Variants in C6orf89 observed in about 807,000 individuals in gnomAD.
C6orf89 encodes chromosome 6 open reading frame 89.
In C6orf89, 29 loss-of-function variants were observed where a neutral mutation model predicts 40.7. That is an observed-to-expected ratio of 0.71 (90% CI 0.53 to 0.97). The LOEUF (loss-of-function observed/expected upper bound fraction) is 0.97, where lower values mean the gene tolerates loss of function less well. C6orf89 is among the 50% of genes least tolerant of loss of function. The pLI is 0.00. For missense variants in C6orf89, 392 were observed against 429.1 expected (o/e 0.91, Z 0.76); for synonymous variants, 165 against 152.2 (o/e 1.08, Z -0.62).
rs148646054 is a variant in C6orf89 at position 36,914,495 on chromosome 6, C to T, written c.556-59C>T. The T allele has an allele frequency of 4.1e-4, 658 of 1,612,018 alleles. 4 individuals are homozygous for T. The African/African-American group carries it at 6.7e-3, about 16-fold the overall frequency. On this transcript the variant is annotated intron_variant, in intron 5 of 8. Transcript: ENST00000480824. ...GCTTGCTTAAAGGCTAGGTCAAGCT[C>T]TAGGAAATTTCTGACAAGTAACTCT...
At chr6:36,874,655 C>T in intron 1 of C6orf89, 1 of 1,589,838 alleles carries the variant, frequency 6.3e-7, no homozygotes. Context: ...GGAACGCAGA[C>T]CCGTGGTGAG....
At chr6:36,878,840 T>G (rs1163939811) in intron 1 of C6orf89, among the ~76,000 whole-genome samples, 2 of 152,230 alleles carry the variant, frequency 1.3e-5, no homozygotes, top group Non-Finnish European at 2.9e-5. Context: ...CACTTCCTAT[T>G]GCTGTACGTT....
At chr6:36,885,871 T>C, upstream of C6orf89, 1 of 570,250 alleles carries the variant, frequency 1.8e-6, no homozygotes, top group Non-Finnish European at 2.6e-6. Context: ...GCGGAAGCGC[T>C]GGACGAGAGG....
In C6orf89 at chr6:36,927,899, C is replaced by T. The variant is rs1320133392; in HGVS notation, c.*4458C>T. 1 of 152,298 alleles carries T rather than the reference C, an allele frequency of 6.6e-6. No individual in the cohort carries two copies. Among genetic ancestry groups the T allele is most frequent in the East Asian group, 1.9e-4 (1 of 5,198 alleles). 9.4% of individuals were successfully genotyped at this position (152,298 alleles called of 1,614,324 possible). A position where few individuals can be genotyped will look rare whatever the true frequency, so the allele number is the denominator to read the frequency against. Reference sequence around the variant, plus strand: ...TCCAGAAGCATGTCAGGGAGACGGACAGGTGCTCTCCTTCTCGTGCACCAC... The same window carrying T: ...TCCAGAAGCATGTCAGGGAGACGGATAGGTGCTCTCCTTCTCGTGCACCAC... On this transcript the variant is annotated 3_prime_UTR_variant, in exon 9 of 9. Transcript: ENST00000480824.
At position 36,919,671 on chromosome 6, in the gene C6orf89, G is replaced by T; in HGVS notation, c.919G>T (p.Val307Leu). Reference sequence around the variant, plus strand: ...CCAGTGCCGAAGACATTGTCAGTCTGTGGCCATGCCAATAGAGCCAGGGGA... The same window carrying T: ...CCAGTGCCGAAGACATTGTCAGTCTTTGGCCATGCCAATAGAGCCAGGGGA... Reference protein sequence around the residue: ...PFQCRRHCQSVAMPIEPGDIG... With the variant: ...PFQCRRHCQSLAMPIEPGDIG... The change falls in exon 8 of 9, where the codon GTG becomes TTG. Residue 307 changes from valine (V) to leucine (L), a missense_variant. Physicochemically the swap from Val to Leu is conservative, Grantham distance 32. Coordinates refer to ENST00000480824, the MANE Select transcript of C6orf89 (RefSeq NM_001286635.2). 8 of 1,614,064 alleles carry T rather than the reference G, an allele frequency of 5.0e-6. No individual in the cohort carries two copies. Among genetic ancestry groups the T allele is most frequent in the Non-Finnish European group, 6.8e-6 (8 of 1,179,942 alleles).
At chr6:36,910,385 A>G (rs1471386956) in intron 4 of C6orf89, among the ~76,000 whole-genome samples, 1 of 152,150 alleles carries the variant, frequency 6.6e-6, no homozygotes, top group Non-Finnish European at 1.5e-5. Flanking sequence ...ACTTGTCCCA[A>G]TTTGATTTAT....
intron 2 of C6orf89, among the ~76,000 whole-genome samples, chr6:36,898,423 G>A (rs1419618351): frequency 6.6e-6 from 1 of 151,908 alleles, no homozygotes; most frequent in Non-Finnish European, 1.5e-5. Context: ...GGGATTACAG[G>A]CACCCGCCAC....
chr6:36,908,958 A>G (rs950172044), intron 4 of C6orf89, among the ~76,000 whole-genome samples: 5 of 152,208 alleles, frequency 3.3e-5, no homozygotes, highest in African/African-American at 9.6e-5. Flanking sequence ...TCTTCTAAGG[A>G]CATCATTCAG....
At chr6:36,906,086 A>G (rs996305941) in intron 4 of C6orf89, among the ~76,000 whole-genome samples, 3 of 152,234 alleles carry the variant, frequency 2.0e-5, no homozygotes, top group Non-Finnish European at 4.4e-5. Flanking sequence ...GATAGTTCTC[A>G]CATACAGTGA....
At chr6:36,912,194 C>T (rs895393621) in intron 4 of C6orf89, among the ~76,000 whole-genome samples, 1 of 152,180 alleles carries the variant, frequency 6.6e-6, no homozygotes, top group Admixed American at 6.5e-5. Flanking sequence ...GCACGCCCAG[C>T]ATCTGCTGTG....
rs1761569805 is a variant in C6orf89 at position 36,899,286 on chromosome 6, T to A, written c.-19-140T>A. On this transcript the variant is annotated intron_variant, in intron 2 of 8. Coordinates refer to ENST00000480824, the MANE Select transcript of C6orf89 (RefSeq NM_001286635.2). ...ATTGTCTCTGTGTATTCATTGTGTT[T>A]CATGAAAGTATTGGTCTGTAGAGGA... is the stretch of plus-strand genomic sequence containing the variant. 12 of 653,878 alleles carry A rather than the reference T, an allele frequency of 1.8e-5. No homozygotes were observed. The South Asian group carries it at 2.3e-4, about 13-fold the overall frequency. The allele number at this position is 653,878 out of a possible 1,614,324, so 40.5% of individuals were successfully genotyped here. A position where few individuals can be genotyped will look rare whatever the true frequency, so the allele number is the denominator to read the frequency against.
chr6:36,916,660 T>C, intron 7 of C6orf89, 86 bp downstream of exon 7: 1 of 1,542,990 alleles, frequency 6.5e-7, no homozygotes, highest in Non-Finnish European at 8.9e-7. Flanking sequence ...TCCCTGCATA[T>C]TGGCTTAGAG....
rs1761594842 is a variant in C6orf89 at position 36,899,784 on chromosome 6, A to G, written c.189+151A>G. 3 of 685,864 alleles carry G rather than the reference A, an allele frequency of 4.4e-6. No individual in the cohort carries two copies. The Admixed American group carries it at 8.0e-5, about 18-fold the overall frequency. 42.5% of individuals were successfully genotyped at this position (685,864 alleles called of 1,614,324 possible). A position where few individuals can be genotyped will look rare whatever the true frequency, so the allele number is the denominator to read the frequency against. Reference sequence around the variant, plus strand: ...GCTCTTGTTACCATGTGTTACTAGGAAATTTGACTGTGTTGTTAAAGGTCC... The same window carrying G: ...GCTCTTGTTACCATGTGTTACTAGGGAATTTGACTGTGTTGTTAAAGGTCC... On this transcript the variant is annotated intron_variant, in intron 3 of 8. Transcript: ENST00000480824.
Position 36,923,856 on chromosome 6 carries a change from C to T in C6orf89, c.*415C>T. On this transcript the variant is annotated 3_prime_UTR_variant, in exon 9 of 9. Transcript: ENST00000480824. Reference sequence around the variant, plus strand: ...TCAGAGCCATCCTTTACCAGGTGGGCCTGCTTGTCCCTGTCTTGCCTGCCA... The same window carrying T: ...TCAGAGCCATCCTTTACCAGGTGGGTCTGCTTGTCCCTGTCTTGCCTGCCA... 3.6e-6 allele frequency: 1 copy of T among 276,896 alleles called. No homozygotes were observed. The highest frequency in any genetic ancestry group is 7.1e-6 in the Non-Finnish European group (1 of 140,298). 17.2% of individuals were successfully genotyped at this position (276,896 alleles called of 1,614,324 possible).
chr6:36,916,887 T>G (rs1253323674), intron 7 of C6orf89, among the ~76,000 whole-genome samples: 1 of 152,138 alleles, frequency 6.6e-6, no homozygotes, highest in Non-Finnish European at 1.5e-5. Flanking sequence ...GAGGGTGCAA[T>G]TAGTCTGGCT....
intron 1 of C6orf89, among the ~76,000 whole-genome samples, 184 bp downstream of exon 1, chr6:36,886,212 G>T (rs753638755): frequency 9.8e-5 from 15 of 152,300 alleles, no homozygotes; most frequent in African/African-American, 3.6e-4. Flanking sequence ...CAGCTCCCCC[G>T]GGGTCGACTC....
chr6:36,905,464 C>T (rs1327341668), intron 4 of C6orf89, among the ~76,000 whole-genome samples: 1 of 152,176 alleles, frequency 6.6e-6, no homozygotes, highest in Non-Finnish European at 1.5e-5. Flanking sequence ...TTCTTTCTGG[C>T]TGTTCCAAAG....
chr6:36,907,030 C>T (rs972231384), intron 4 of C6orf89, among the ~76,000 whole-genome samples: 3 of 152,126 alleles, frequency 2.0e-5, no homozygotes, highest in African/African-American at 7.2e-5. Flanking sequence ...GCCTTCCTGC[C>T]TGCCTTCCTG....
At chr6:36,901,673 T>TA (rs1332866711) in intron 3 of C6orf89, among the ~76,000 whole-genome samples, 2 of 146,306 alleles carry the variant, frequency 1.4e-5, no homozygotes, top group African/African-American at 5.0e-5. Context: ...TTTATTTATT[T>TA]TTATTTTTTT....
Sources: allele counts gnomAD v4.1 joint callset (sites outside exome capture counted in the v4.1 genomes callset), GRCh38; gene constraint gnomAD v4.1.1; transcripts MANE v1.5; gene names NCBI Gene and HGNC (gene_info 2026-07-23, HGNC 2026-07-21).